PTPRD: variants seen among roughly 807,000 people sequenced by gnomAD.
The protein encoded by PTPRD is receptor-type tyrosine-protein phosphatase delta.
PTPRD carries 34 observed loss-of-function variants against 214.5 expected under a neutral mutation model. The observed-to-expected ratio is 0.16, with a 90% CI of 0.12 to 0.21. The LOEUF (loss-of-function observed/expected upper bound fraction) is 0.21. PTPRD is among the 10% of genes least tolerant of loss of function. PTPRD has a pLI of 1.00. For missense variants in PTPRD, 2,545 were observed against 2,398.7 expected (o/e 1.06, Z -1.27); for synonymous variants, 1,128 against 845.7 (o/e 1.33, Z -5.79).
At chr9:8,735,739 G>T (rs183224732) in intron 11 of PTPRD, among the ~76,000 whole-genome samples, 1 of 151,782 alleles carries the variant, frequency 6.6e-6, no homozygotes, top group Non-Finnish European at 1.5e-5. Context: ...GTGAAACTCC[G>T]TCTCTACTAA....
At chr9:8,366,984 A>G (rs758723119) in intron 39 of PTPRD, among the ~76,000 whole-genome samples, 6 of 152,182 alleles carry the variant, frequency 3.9e-5, no homozygotes, top group Non-Finnish European at 7.3e-5. Context: ...GTTCTTTTGA[A>G]TCCAGTAATG....
intron 3 of PTPRD, among the ~76,000 whole-genome samples, chr9:10,037,053 T>C (rs572068716): frequency 6.6e-6 from 1 of 151,988 alleles, no homozygotes; most frequent in East Asian, 2.0e-4. Flanking sequence ...GCCTAGCTAA[T>C]TTTTTAATGT....
intron 4 of PTPRD, among the ~76,000 whole-genome samples, chr9:9,940,077 G>A (rs2090985329): frequency 6.6e-6 from 1 of 152,126 alleles, no homozygotes; most frequent in Non-Finnish European, 1.5e-5. Context: ...ATAAAAGTGT[G>A]GGCTGTATGT....
chr9:9,793,533 T>C (rs1038130264), intron 5 of PTPRD, among the ~76,000 whole-genome samples: 1 of 152,162 alleles, frequency 6.6e-6, no homozygotes, highest in African/African-American at 2.4e-5. Context: ...AACATGTGTT[T>C]CCTAAATTTA....
intron 3 of PTPRD, among the ~76,000 whole-genome samples, chr9:10,036,002 A>G (rs1201023153): frequency 1.3e-5 from 2 of 152,054 alleles, no homozygotes; most frequent in African/African-American, 2.4e-5. Context: ...TACCTGACCA[A>G]TGATCACTTC....
At chr9:9,877,656 G>C (rs1401900863) in intron 5 of PTPRD, among the ~76,000 whole-genome samples, 1 of 152,046 alleles carries the variant, frequency 6.6e-6, no homozygotes, top group Non-Finnish European at 1.5e-5. Context: ...AGGAAAACAG[G>C]TTTTGATTAA....
chr9:9,242,428 C>T (rs1223311487), intron 9 of PTPRD, among the ~76,000 whole-genome samples: 5 of 152,148 alleles, frequency 3.3e-5, no homozygotes, highest in Admixed American at 3.3e-4. Context: ...TGGATAATAT[C>T]CTGCAGAGTG....
At chr9:9,781,993 C>T (rs970942657) in intron 5 of PTPRD, among the ~76,000 whole-genome samples, 12 of 152,124 alleles carry the variant, frequency 7.9e-5, no homozygotes, top group Admixed American at 5.9e-4. Context: ...GGGGTTTCAC[C>T]GTGTTAACCA....
chr9:8,750,422 T>G (rs1321905373), intron 11 of PTPRD, among the ~76,000 whole-genome samples: 1 of 151,752 alleles, frequency 6.6e-6, no homozygotes, highest in Non-Finnish European at 1.5e-5. Context: ...CCACCGAAAG[T>G]GCTGGGATTA....
At position 9,305,909 on chromosome 9, in the gene PTPRD, G is replaced by C. The variant is rs144252607; in HGVS notation, c.-203+91540C>G. On this transcript the variant is annotated intron_variant, in intron 9 of 45. Coordinates refer to ENST00000381196, the MANE Select transcript of PTPRD (RefSeq NM_002839.4). Reference sequence around the variant, plus strand: ...AATTTTTTTCCTAGCTCTTTCATAGGGAACACAGCCCTGCTGAAACCTTGA... The same window carrying C: ...AATTTTTTTCCTAGCTCTTTCATAGCGAACACAGCCCTGCTGAAACCTTGA... Among the ~76,000 whole-genome samples the C allele has an allele frequency of 2.1e-4, 32 of 152,050 alleles. 1 individual carries two copies. The East Asian group carries it at 6.2e-3, about 30-fold the overall frequency.
chr9:8,754,860 C>G (rs12337421), intron 11 of PTPRD, among the ~76,000 whole-genome samples: 7,687 of 152,148 alleles, frequency 0.051, 480 homozygotes, highest in African/African-American at 0.15. Flanking sequence ...CTATTGTATT[C>G]TCTATCCTTT....
chr9:9,732,315 A>C (rs2098211688), intron 7 of PTPRD, among the ~76,000 whole-genome samples: 1 of 152,110 alleles, frequency 6.6e-6, no homozygotes, highest in African/African-American at 2.4e-5. Context: ...AAAAAAACTC[A>C]TACATTTTCC....
chr9:9,632,781 T>TAGATAA (rs2095634087), intron 7 of PTPRD, among the ~76,000 whole-genome samples: 1 of 152,004 alleles, frequency 6.6e-6, no homozygotes, highest in Admixed American at 6.6e-5. Flanking sequence ...GGTATAAATA[T>TAGATAA]AGATAAAGAT....
At chr9:10,372,444 A>G (rs559702582) in intron 2 of PTPRD, among the ~76,000 whole-genome samples, 29 of 152,184 alleles carry the variant, frequency 1.9e-4, no homozygotes, top group Non-Finnish European at 3.5e-4. Context: ...TCAATGACAC[A>G]TATCTGGATT....
intron 2 of PTPRD, among the ~76,000 whole-genome samples, chr9:10,560,661 C>T (rs1313022234): frequency 3.9e-5 from 6 of 152,074 alleles, no homozygotes. Context: ...ATGCAAAACT[C>T]AAAGAAATAT....
At chr9:9,141,097 C>A (rs1259424156) in intron 10 of PTPRD, among the ~76,000 whole-genome samples, 1 of 151,402 alleles carries the variant, frequency 6.6e-6, no homozygotes, top group Non-Finnish European at 1.5e-5. Flanking sequence ...TCTGCTCCCC[C>A]TTCTCTTCTT....
intron 6 of PTPRD, among the ~76,000 whole-genome samples, chr9:9,764,667 T>C (rs866664932): frequency 1.3e-5 from 2 of 152,140 alleles, no homozygotes; most frequent in Admixed American, 6.6e-5. Flanking sequence ...TTTAGGCTAA[T>C]TGTATCATTT....
chr9:9,405,257 T>A (rs1209118254), intron 8 of PTPRD, among the ~76,000 whole-genome samples: 1 of 152,080 alleles, frequency 6.6e-6, no homozygotes. Flanking sequence ...TTAATATTTT[T>A]CTCTTTATTT....
intron 12 of PTPRD, among the ~76,000 whole-genome samples, chr9:8,686,839 G>C (rs913343184): frequency 1.3e-5 from 2 of 152,208 alleles, no homozygotes; most frequent in Non-Finnish European, 2.9e-5. Context: ...TGGGTTAAAA[G>C]TTGAAAGCTA....
Sources: allele counts gnomAD v4.1 joint callset (sites outside exome capture counted in the v4.1 genomes callset), GRCh38; gene constraint gnomAD v4.1.1; transcripts MANE v1.5; gene names NCBI Gene and HGNC (gene_info 2026-07-23, HGNC 2026-07-21).